Variants in TTN observed in about 807,000 individuals in gnomAD.
The protein encoded by TTN is titin.
In TTN, 1,525 loss-of-function variants were observed where a neutral mutation model predicts 3,223.0. The ratio of observed to expected loss-of-function variants is 0.47; its 90% CI spans 0.45 to 0.49. The LOEUF (loss-of-function observed/expected upper bound fraction) is 0.49. Among genes scored for constraint, TTN ranks in the 20% least tolerant of loss-of-function variants. The pLI is 0.00. For synonymous variants in TTN, 14,094 were observed against 15,161.0 expected, an observed-to-expected ratio of 0.93 and a Z score of 5.17; for missense variants, 40,786 against 43,424.0, an observed-to-expected ratio of 0.94 and a Z score of 5.40.
rs748766869 is a variant in TTN, at chr2:178,637,422, G to GAT, written c.40877-4_40877-3insAT. ...CTCTTCCTTAGGTGCTTTGGCTTCT[G>GAT]AAATAAAAATAAAACTCAGCATTTA... On this transcript the variant is annotated splice_region_variant and splice_polypyrimidine_tract_variant and intron_variant, in intron 223 of 362. Coordinates refer to ENST00000589042, the MANE Select transcript of TTN (RefSeq NM_001267550.2). The GAT allele has an allele frequency of 6.8e-7, 1 of 1,473,856 alleles. No individual in the cohort carries two copies. The highest frequency in any genetic ancestry group is 1.5e-5 in the South Asian group (1 of 65,418). The allele number at this position is 1,473,856 out of a possible 1,614,324, so 91.3% of individuals were successfully genotyped here.
chr2:178,718,949 G>T lies in TTN; in HGVS notation c.24251C>A (p.Pro8084His). The change falls in exon 84 of 363, where the codon CCT becomes CAT. Residue 8084 changes from proline to histidine, a missense_variant. Coordinates refer to ENST00000589042, the MANE Select transcript of TTN (RefSeq NM_001267550.2). ...TCCAGGCAAAACTTCCACAGAATCA[G>T]GGGTTTGTTCAAAAGATGGTGGTTC... ...VQEPPSFEQTPDSVEVLPGMS... is the reference protein window; with the variant it reads ...VQEPPSFEQTHDSVEVLPGMS... 6.2e-7 allele frequency: 1 copy of T among 1,609,198 alleles called. No individual in the cohort carries two copies.
At chr2:178,641,048 T>C (rs910623215) in intron 220 of TTN, among the ~76,000 whole-genome samples, 193 bp downstream of exon 220, 2 of 151,924 alleles carry the variant, frequency 1.3e-5, no homozygotes, top group Non-Finnish European at 2.9e-5. Context: ...TGCAGGGAAA[T>C]ACATGAATGG....
In TTN at chr2:178,585,301, C is replaced by T. The variant is rs747850027; in HGVS notation, c.64443G>A (p.Gly21481=). ...CATGGGCTTCAATTCGGAGTTTTTT[C>T]CCAGCTTTGATAGTTATTTGCTCTG... ...LMPEQITIKA[G]KKLRIEAHVY... The change falls in exon 309 of 363, where the codon GGG becomes GGA. Residue 21481 remains glycine (G), a synonymous_variant. Transcript: ENST00000589042. 7 of 1,610,916 alleles carry T rather than the reference C, an allele frequency of 4.3e-6. No homozygotes were observed. Among genetic ancestry groups the T allele is most frequent in the South Asian group, 1.1e-5 (1 of 90,562 alleles).
At position 178,730,535 on chromosome 2, in the gene TTN, T is replaced by C; in HGVS notation, c.17998A>G (p.Asn6000Asp). 6.2e-7 allele frequency: 1 copy of C among 1,613,110 alleles called. No homozygotes were observed. Residue 6000 changes from asparagine to aspartate, a missense_variant, in exon 61 of 363, where the codon AAC (asparagine) becomes GAC (aspartate). Coordinates refer to ENST00000589042, the MANE Select transcript of TTN (RefSeq NM_001267550.2). ...TCSATNKAGH[N>D]QCSGHLTVKE... Reference sequence around the variant, plus strand: ...ACTGTCAGATGCCCACTGCATTGGTTGTGCCCTGCCTTATTTGTGGCAGAA... The same window carrying C: ...ACTGTCAGATGCCCACTGCATTGGTCGTGCCCTGCCTTATTTGTGGCAGAA...
chr2:178,749,996 G>T, intron 47 of TTN: 1 of 1,613,158 alleles, frequency 6.2e-7, no homozygotes, highest in Middle Eastern at 1.7e-4. Context: ...TTGATCTTGA[G>T]GCATTGCTTT....
intron 43 of TTN, among the ~76,000 whole-genome samples, chr2:178,761,921 C>CA (rs908267422): frequency 2.3e-4 from 35 of 152,046 alleles, no homozygotes; most frequent in East Asian, 1.9e-4. Context: ...GAATAAACAG[C>CA]AAAAAAATAG....
In TTN at chr2:178,775,846, T is replaced by C. The variant is rs2154345887; in HGVS notation, c.6018A>G (p.Glu2006=). The change falls in exon 28 of 363, where the codon GAA becomes GAG. Residue 2006 remains glutamate (E), a synonymous_variant. Coordinates refer to ENST00000589042, the MANE Select transcript of TTN (RefSeq NM_001267550.2). The part of the protein sequence containing the change: ...ELRSKFKRRT[E]EGYYEAITAV... The stretch of plus-strand genomic sequence containing the variant: ...CGGTAATGGCTTCATAATAGCCCTC[T>C]TCTGTTCTGCGCTTGAATTTACTGC... 1 of 1,614,172 alleles carries C rather than the reference T, an allele frequency of 6.2e-7. No homozygotes were observed. Among genetic ancestry groups the C allele is most frequent in the Non-Finnish European group, 8.5e-7 (1 of 1,180,016 alleles).
rs116593093 is a variant in TTN at position 178,750,659 on chromosome 2, G to C, written c.11311+2465C>G. 1,528 of 1,612,716 alleles carry C rather than the reference G, an allele frequency of 9.5e-4. 8 individuals are homozygous for C. In the African/African-American group the frequency reaches 9.9e-3, roughly 10 times the overall value. On this transcript the variant is annotated intron_variant, in intron 47 of 362. Transcript: ENST00000589042. ...TTCGGTTTTGAATTCATCAATTCGT[G>C]TAGAAGCAGAGAGTTGTAATTCTCT...
chr2:178,548,050 A>G lies in TTN; in HGVS notation c.93576T>C (p.Ala31192=), dbSNP rs377521708. 12 of 1,613,758 alleles carry G rather than the reference A, an allele frequency of 7.4e-6. No homozygotes were observed. Among genetic ancestry groups the G allele is most frequent in the East Asian group, 2.2e-5 (1 of 44,876 alleles). ...YEFRVKAKND[A]GYSEPREAFS... Reference sequence around the variant, plus strand: ...AGGCTTCTCTGGGTTCACTATAGCCAGCATCATTCTTGGCCTTCACACGGA... The same window carrying G: ...AGGCTTCTCTGGGTTCACTATAGCCGGCATCATTCTTGGCCTTCACACGGA... The change falls in exon 339 of 363, where the codon GCT becomes GCC. Residue 31192 remains alanine, a synonymous_variant. Transcript: ENST00000589042. This position sits in a 1 kb window ranked among gnomAD's most constrained non-coding sequence, Gnocchi z 4.3.
Position 178,582,470 on chromosome 2 carries a change from G to A in TTN, c.65986C>T (p.Arg21996Cys), listed in dbSNP as rs577114038. 79 of 1,612,908 alleles carry A rather than the reference G, an allele frequency of 4.9e-5. No individual in the cohort carries two copies. The highest frequency in any genetic ancestry group is 4.7e-4 in the Admixed American group (28 of 59,954). Residue 21996 changes from arginine to cysteine, a missense_variant, in exon 314 of 363, where the codon CGT (arginine) becomes TGT (cysteine). Physicochemically the swap from Arg to Cys is radical, Grantham distance 180. Transcript: ENST00000589042. ...GCCCAGTTGGGCCTGCTTGTTTCAC[G>A]TTTGTCAACAATATAGTTGGTGATT... ...SEITNYIVDK[R>C]ETSRPNWAQV...
At chr2:178,685,422 C>T in intron 128 of TTN, 92 bp from the exon 129 acceptor site, 1 of 1,462,110 alleles carries the variant, frequency 6.8e-7, no homozygotes, top group Non-Finnish European at 9.3e-7. Context: ...TGATATTTAT[C>T]AATATTTGCA....
At chr2:178,753,564 CTACTT>C (rs1342947336) in intron 46 of TTN, 2 of 166,768 alleles carry the variant, frequency 1.2e-5, no homozygotes, top group Non-Finnish European at 2.6e-5. Context: ...TTCTAAATTG[CTACTT>C]TAGCAGAGGG....
intron 348 of TTN, 41 bp downstream of exon 348, chr2:178,542,621 C>T (rs748854671): frequency 1.3e-6 from 2 of 1,597,956 alleles, no homozygotes; most frequent in Admixed American, 1.7e-5. Context: ...AATTGGGTGA[C>T]TGAACATCAA....
Position 178,602,055 on chromosome 2 carries a change from G to A in TTN, c.55216C>T (p.Pro18406Ser). The A allele has an allele frequency of 6.2e-7, 1 of 1,612,638 alleles. No individual in the cohort carries two copies. Among genetic ancestry groups the A allele is most frequent in the Non-Finnish European group, 8.5e-7 (1 of 1,179,186 alleles). Residue 18406 changes from proline to serine, a missense_variant, in exon 284 of 363, where the codon CCA becomes TCA. Transcript: ENST00000589042. ...AATTCCCAAGATGATTTTGGTGTTGGGCGTCCCTTGATGACAGCAGGAATC... is the reference window on the plus strand; with the variant it reads ...AATTCCCAAGATGATTTTGGTGTTGAGCGTCCCTTGATGACAGCAGGAATC... ...IRIPAVIKGR[P>S]TPKSSWEFDG...
chr2:178,541,041 G>A, intron 350 of TTN: 3 of 351,952 alleles, frequency 8.5e-6, no homozygotes, highest in Non-Finnish European at 1.5e-5. Flanking sequence ...ATTGACTCCA[G>A]AGAAGAATAT....
chr2:178,733,028 G>A lies in TTN; in HGVS notation c.16148C>T (p.Ser5383Phe), dbSNP rs774061411. The change falls in exon 55 of 363, where the codon TCC (serine) becomes TTC (phenylalanine). Residue 5383 changes from serine (S) to phenylalanine (F), a missense_variant. Ser to Phe is a radical substitution (Grantham distance 155, BLOSUM62 -2). Transcript: ENST00000589042. ...AAACCAGGACACCCTCATGGGGAGGGAGCCTGCAATTTTGCAGTCCAGTCT... is the reference window on the plus strand; with the variant it reads ...AAACCAGGACACCCTCATGGGGAGGAAGCCTGCAATTTTGCAGTCCAGTCT... Reference protein sequence around the residue: ...TCRLDCKIAGSLPMRVSWFKD... With the variant: ...TCRLDCKIAGFLPMRVSWFKD... 7 of 1,613,334 alleles carry A rather than the reference G, an allele frequency of 4.3e-6. No individual in the cohort carries two copies. In the South Asian group the frequency reaches 4.4e-5, roughly 10 times the overall value.
chr2:178,552,614 G>C lies in TTN; in HGVS notation c.90286C>G (p.Gln30096Glu). The C allele has an allele frequency of 6.2e-7, 1 of 1,613,894 alleles. No homozygotes were observed. The highest frequency in any genetic ancestry group is 1.1e-5 in the South Asian group (1 of 91,084). The change falls in exon 335 of 363, where the codon CAG becomes GAG. Residue 30096 changes from glutamine to glutamate, a missense_variant. By Grantham distance (29) the Gln-to-Glu change is conservative (BLOSUM62 2). Transcript: ENST00000589042. The stretch of plus-strand genomic sequence containing the variant: ...AACACTCTGAACTCCAGGACTGACT[G>C]CTCCTTAAGTTGGCTAACCTCAATT... ...CEIEVSQLKE[Q>E]SVLEFRVFAK...
In TTN at chr2:178,568,295, G is replaced by A. The variant is rs1706728801; in HGVS notation, c.77837C>T (p.Ala25946Val). The A allele has an allele frequency of 6.2e-7, 1 of 1,613,274 alleles. No individual in the cohort carries two copies. ...TVWDVVSATVARTTLKVTKLK... is the reference protein window; with the variant it reads ...TVWDVVSATVVRTTLKVTKLK... The stretch of plus-strand genomic sequence containing the variant: ...TTTGGTCACTTTGAGTGTAGTTCTA[G>A]CAACAGTAGCAGAAACAACATCCCA... The change falls in exon 326 of 363, where the codon GCT becomes GTT. Residue 25946 changes from alanine (A) to valine (V), a missense_variant. Physicochemically the swap from Ala to Val is moderately conservative, Grantham distance 64 (BLOSUM62 0). Transcript: ENST00000589042.
At position 178,576,106 on chromosome 2, in the gene TTN, A is replaced by G. The variant is rs878983731; in HGVS notation, c.70026T>C (p.Pro23342=). Residue 23342 remains proline, a synonymous_variant, in exon 326 of 363, where the codon CCT becomes CCC. Coordinates refer to ENST00000589042, the MANE Select transcript of TTN (RefSeq NM_001267550.2). This position sits in a 1 kb window ranked among gnomAD's most constrained non-coding sequence, Gnocchi z 4.3. ...GAAGCTCGGCATCTAGTTCAAAATC[A>G]GGAGCCATCTCCCGTTCTACGATTT... ...DVEIVEREMA[P]DFELDAELRR... is the part of the protein sequence containing the mutation. The G allele has an allele frequency of 1.2e-6, 2 of 1,613,508 alleles. No individual in the cohort carries two copies. The highest frequency in any genetic ancestry group is 1.7e-6 in the Non-Finnish European group (2 of 1,179,596).
Sources: allele counts gnomAD v4.1 joint callset (sites outside exome capture counted in the v4.1 genomes callset), GRCh38; gene constraint gnomAD v4.1.1; non-coding constraint Gnocchi (gnomAD v3.1); transcripts MANE v1.5; gene names NCBI Gene and HGNC (gene_info 2026-07-23, HGNC 2026-07-21).